CACNA2D3: variants seen among roughly 807,000 people sequenced by gnomAD.
The protein encoded by CACNA2D3 is voltage-dependent calcium channel subunit alpha-2/delta-3.
In CACNA2D3, 60 loss-of-function variants were observed where a neutral mutation model predicts 160.6. The ratio of observed to expected loss-of-function variants is 0.37; its 90% CI spans 0.30 to 0.46. CACNA2D3 has a LOEUF of 0.46. CACNA2D3 is among the 20% of genes least tolerant of loss of function. CACNA2D3 has a pLI of 1.00. For synonymous variants in CACNA2D3, 558 were observed against 492.9 expected, an observed-to-expected ratio of 1.13 and a Z score of -1.75; for missense variants, 1,205 against 1,365.0, an observed-to-expected ratio of 0.88 and a Z score of 1.85.
At chr3:54,637,190 A>G (rs1699394305) in intron 10 of CACNA2D3, among the ~76,000 whole-genome samples, 1 of 151,972 alleles carries the variant, frequency 6.6e-6, no homozygotes, top group Non-Finnish European at 1.5e-5. Context: ...CAGACGAGTG[A>G]TAACAGGCTT....
At chr3:54,434,846 T>C (rs1700038403) in intron 4 of CACNA2D3, among the ~76,000 whole-genome samples, 1 of 152,192 alleles carries the variant, frequency 6.6e-6, no homozygotes, top group Non-Finnish European at 1.5e-5. Flanking sequence ...AGCTTCGTTT[T>C]AAGGTTTATG....
intron 3 of CACNA2D3, among the ~76,000 whole-genome samples, chr3:54,371,938 T>C (rs929081892): frequency 6.6e-6 from 1 of 152,260 alleles, no homozygotes; most frequent in African/African-American, 2.4e-5. Context: ...AATAATTATT[T>C]GTCTACTATA....
chr3:55,062,480 T>C (rs1374114007), intron 35 of CACNA2D3, among the ~76,000 whole-genome samples: 1 of 152,184 alleles, frequency 6.6e-6, no homozygotes, highest in African/African-American at 2.4e-5. Context: ...GTCTCTGCCT[T>C]GCTCTCAGAA....
chr3:54,878,334 C>T (rs2106835727), intron 18 of CACNA2D3, among the ~76,000 whole-genome samples: 1 of 152,242 alleles, frequency 6.6e-6, no homozygotes, highest in East Asian at 1.9e-4. Flanking sequence ...ATCACTGCGT[C>T]TGCTGTCCTC....
At chr3:54,743,377 T>G (rs1701690402) in intron 11 of CACNA2D3, among the ~76,000 whole-genome samples, 1 of 152,190 alleles carries the variant, frequency 6.6e-6, no homozygotes, top group African/African-American at 2.4e-5. Context: ...TGAGGGGCAC[T>G]CCAGGTAGTG....
chr3:54,965,030 A>G (rs1338307361), intron 27 of CACNA2D3, among the ~76,000 whole-genome samples: 1 of 152,138 alleles, frequency 6.6e-6, no homozygotes, highest in Non-Finnish European at 1.5e-5. Flanking sequence ...AAGACCTTCA[A>G]TGGCACCAAC....
At chr3:54,289,720 A>G (rs1294820738) in intron 2 of CACNA2D3, among the ~76,000 whole-genome samples, 2 of 152,230 alleles carry the variant, frequency 1.3e-5, no homozygotes, top group Non-Finnish European at 2.9e-5. Flanking sequence ...ATATAGATCA[A>G]TGGAACAGAA....
intron 19 of CACNA2D3, 99 bp downstream of exon 19, chr3:54,879,188 G>C (rs1699733851): frequency 1.1e-6 from 1 of 908,718 alleles, no homozygotes; most frequent in African/African-American, 1.7e-5. Flanking sequence ...CTTTCGCTGA[G>C]ATCATTTTTC....
At chr3:54,233,231 G>A (rs1701808773) in intron 2 of CACNA2D3, among the ~76,000 whole-genome samples, 1 of 152,128 alleles carries the variant, frequency 6.6e-6, no homozygotes, top group Admixed American at 6.5e-5. Context: ...TGCTAACAGG[G>A]GCTTAGTCTG....
intron 17 of CACNA2D3, among the ~76,000 whole-genome samples, chr3:54,852,170 C>T (rs1000470916): frequency 1.3e-5 from 2 of 152,222 alleles, no homozygotes; most frequent in African/African-American, 4.8e-5. Context: ...GTAGCCTCTC[C>T]AGTGTCCAGG....
intron 13 of CACNA2D3, chr3:54,789,820 G>A (rs367991092): frequency 1.8e-5 from 9 of 513,496 alleles, no homozygotes; most frequent in Non-Finnish European, 3.5e-5. Flanking sequence ...TCTAAAGTGA[G>A]CCCGAGCTTA....
intron 27 of CACNA2D3, among the ~76,000 whole-genome samples, chr3:54,923,435 C>T (rs912848591): frequency 6.6e-6 from 1 of 152,172 alleles, no homozygotes; most frequent in African/African-American, 2.4e-5. Context: ...AGCCATGTCA[C>T]CTCCTTGGAG....
At chr3:54,893,587 G>A (rs1700118208) in intron 25 of CACNA2D3, among the ~76,000 whole-genome samples, 2 of 152,244 alleles carry the variant, frequency 1.3e-5, no homozygotes, top group African/African-American at 2.4e-5. Context: ...TTTTGGTTTA[G>A]TTTTTGCTTT....
At chr3:54,761,415 G>T (rs1300864441) in intron 12 of CACNA2D3, among the ~76,000 whole-genome samples, 2 of 152,194 alleles carry the variant, frequency 1.3e-5, no homozygotes, top group Non-Finnish European at 2.9e-5. Context: ...GCCTACTAAA[G>T]AAGAGATGAA....
intron 2 of CACNA2D3, among the ~76,000 whole-genome samples, chr3:54,273,858 T>G (rs1054317618): frequency 1.3e-5 from 2 of 152,194 alleles, no homozygotes; most frequent in African/African-American, 4.8e-5. Flanking sequence ...GTTGTGTCTG[T>G]GCTAGATGGC....
chr3:54,373,789 C>T (rs1178415706), intron 3 of CACNA2D3, among the ~76,000 whole-genome samples: 2 of 152,178 alleles, frequency 1.3e-5, no homozygotes, highest in Admixed American at 6.5e-5. Context: ...CTTCCCAGGG[C>T]AGTTCTTATT....
intron 3 of CACNA2D3, among the ~76,000 whole-genome samples, chr3:54,369,093 G>A (rs1330767767): frequency 6.6e-6 from 1 of 152,032 alleles, no homozygotes; most frequent in Admixed American, 6.6e-5. Flanking sequence ...TAATAGAATT[G>A]AAGTAATAAC....
intron 35 of CACNA2D3, among the ~76,000 whole-genome samples, chr3:55,025,111 C>A (rs1338596707): frequency 6.6e-6 from 1 of 152,072 alleles, no homozygotes; most frequent in Non-Finnish European, 1.5e-5. Flanking sequence ...AGTGAGAAAA[C>A]CAATAGAACT....
At chr3:54,199,513 G>T (rs1198614978) in intron 2 of CACNA2D3, among the ~76,000 whole-genome samples, 1 of 151,658 alleles carries the variant, frequency 6.6e-6, no homozygotes, top group African/African-American at 2.4e-5. Flanking sequence ...CGTGCTACCC[G>T]TCCCCTCCGC....
Sources: allele counts gnomAD v4.1 joint callset (sites outside exome capture counted in the v4.1 genomes callset), GRCh38; gene constraint gnomAD v4.1.1; transcripts MANE v1.5; gene names NCBI Gene and HGNC (gene_info 2026-07-23, HGNC 2026-07-21).